The following ANKHD1 variants were observed in gnomAD, a reference collection of about 807,000 sequenced individuals.
ANKHD1 encodes ankyrin repeat and KH domain-containing protein 1.
Under a neutral mutation model 230.5 loss-of-function variants are expected in ANKHD1, and 31 were observed. That is an observed-to-expected ratio of 0.13 (90% CI 0.10 to 0.18). The LOEUF is 0.18. Ranked by LOEUF, ANKHD1 falls within the 10% of genes least tolerant of loss-of-function variation. ANKHD1 has a pLI of 1.00. For synonymous variants in ANKHD1, 1,074 were observed against 1,117.6 expected (o/e 0.96, Z 0.78); for missense variants, 2,256 against 3,071.3 (o/e 0.73, Z 6.27).
intron 29 of ANKHD1, among the ~76,000 whole-genome samples, chr5:140,530,349 C>T (rs1284336721): frequency 6.6e-6 from 1 of 152,068 alleles, no homozygotes; most frequent in Non-Finnish European, 1.5e-5. Context: ...GTAGCTGGGA[C>T]TACAGGCATG....
rs550682546 is a variant in ANKHD1, at chr5:140,494,624, C to G, written c.2246-1896C>G. On this transcript the variant is annotated intron_variant, in intron 14 of 33. Coordinates refer to ENST00000360839, the MANE Select transcript of ANKHD1 (RefSeq NM_017747.3). ...ACACATGTTGCATATGTTTGAGCTA[C>G]CTGCAGTTTTGAGATCTCTATTCTA... is the stretch of plus-strand genomic sequence containing the variant. 3.9e-5 allele frequency among the ~76,000 whole-genome samples: 6 copies of G among 152,180 alleles called. No individual in the cohort carries two copies. In the East Asian group the frequency reaches 9.6e-4, roughly 24 times the overall value.
At chr5:140,403,807 C>T (rs1770191191) in intron 1 of ANKHD1, among the ~76,000 whole-genome samples, 1 of 152,076 alleles carries the variant, frequency 6.6e-6, no homozygotes, top group Admixed American at 6.6e-5. Flanking sequence ...AACCTCTGGT[C>T]TTGGTGTTAA....
chr5:140,427,196 G>T (rs1203197368), intron 1 of ANKHD1, among the ~76,000 whole-genome samples: 2 of 146,988 alleles, frequency 1.4e-5, no homozygotes, highest in East Asian at 4.2e-4. Context: ...GGGCAGAGGG[G>T]CTCCTCACTT....
chr5:140,411,502 T>G (rs1000725067), intron 1 of ANKHD1, among the ~76,000 whole-genome samples: 4 of 151,922 alleles, frequency 2.6e-5, no homozygotes, highest in African/African-American at 9.7e-5. Flanking sequence ...GAAAAGTTTT[T>G]TTTTTTTTTT....
At chr5:140,436,950 G>C (rs1047795856) in intron 2 of ANKHD1, among the ~76,000 whole-genome samples, 3 of 152,128 alleles carry the variant, frequency 2.0e-5, no homozygotes, top group Middle Eastern at 6.8e-3. Flanking sequence ...TTTTTTATAT[G>C]TAATGCATAT....
At chr5:140,531,578 AG>A (rs1753818835) in intron 29 of ANKHD1, among the ~76,000 whole-genome samples, 1 of 151,792 alleles carries the variant, frequency 6.6e-6, no homozygotes, top group Non-Finnish European at 1.5e-5. Context: ...CGAGACTGTC[AG>A]GAAAAAAAAA....
At chr5:140,417,632 G>GA (rs1771503042) in intron 1 of ANKHD1, among the ~76,000 whole-genome samples, 1 of 151,700 alleles carries the variant, frequency 6.6e-6, no homozygotes, top group African/African-American at 2.4e-5. Flanking sequence ...TGTATTTTTT[G>GA]TAGAGATGGG....
At chr5:140,524,480 G>A (rs1753510500) in intron 25 of ANKHD1, among the ~76,000 whole-genome samples, 1 of 152,196 alleles carries the variant, frequency 6.6e-6, no homozygotes, top group Non-Finnish European at 1.5e-5. Context: ...AAGTCACCTT[G>A]TAAAACACTG....
At chr5:140,442,343 T>C (rs1383097313) in intron 5 of ANKHD1, among the ~76,000 whole-genome samples, 2 of 151,872 alleles carry the variant, frequency 1.3e-5, no homozygotes, top group African/African-American at 4.8e-5. Context: ...CAAGCCTGGC[T>C]GAGATATTCT....
intron 30 of ANKHD1, chr5:140,537,162 G>A: frequency 1.5e-6 from 1 of 667,920 alleles, no homozygotes; most frequent in Non-Finnish European, 2.2e-6. Flanking sequence ...ACTTATTATA[G>A]GCAGAAATCG....
At chr5:140,440,022 C>A in intron 3 of ANKHD1, 97 bp from the exon 4 acceptor site, 11 of 1,334,836 alleles carry the variant, frequency 8.2e-6, no homozygotes, top group Non-Finnish European at 1.1e-5. Flanking sequence ...ACTGCATTAA[C>A]ATTTTTCTTT....
At position 140,528,631 on chromosome 5, in the gene ANKHD1, T is replaced by C. The variant is rs1387187862; in HGVS notation, c.5685T>C (p.Pro1895=). 4 of 1,614,072 alleles carry C rather than the reference T, an allele frequency of 2.5e-6. No individual in the cohort carries two copies. Among genetic ancestry groups the C allele is most frequent in the Non-Finnish European group, 8.5e-7 (1 of 1,180,038 alleles). The stretch of plus-strand genomic sequence containing the variant: ...CATGGGGACCATTCCCAGTGAGACC[T>C]GTGAATCCTGGCAACACAAATAGCT... The part of the protein sequence containing the change: ...PNTWGPFPVR[P]VNPGNTNSSP... Residue 1895 remains proline, a synonymous_variant, in exon 29 of 34, where the codon CCT becomes CCC. Coordinates refer to ENST00000360839, the MANE Select transcript of ANKHD1 (RefSeq NM_017747.3).
chr5:140,446,541 A>G (rs1364983845), intron 6 of ANKHD1, among the ~76,000 whole-genome samples: 1 of 152,042 alleles, frequency 6.6e-6, no homozygotes, highest in Non-Finnish European at 1.5e-5. Flanking sequence ...TTGTATTTTT[A>G]GTAGAGATAG....
chr5:140,430,393 A>G (rs1251071826), intron 1 of ANKHD1, among the ~76,000 whole-genome samples: 1 of 152,216 alleles, frequency 6.6e-6, no homozygotes, highest in Non-Finnish European at 1.5e-5. Flanking sequence ...CTGAATAGAG[A>G]TGAGCTATGT....
chr5:140,416,923 T>C (rs949648484), intron 1 of ANKHD1, among the ~76,000 whole-genome samples: 1 of 151,968 alleles, frequency 6.6e-6, no homozygotes, highest in African/African-American at 2.4e-5. Context: ...AATCTATAGA[T>C]TGTTTTGGAT....
Position 140,485,221 on chromosome 5 carries a change from T to C in ANKHD1, c.1971T>C (p.His657=), listed in dbSNP as rs1301021568. The C allele has an allele frequency of 6.2e-7, 1 of 1,613,878 alleles. No individual in the cohort carries two copies. Among genetic ancestry groups the C allele is most frequent in the Non-Finnish European group, 8.5e-7 (1 of 1,179,880 alleles). ...HLAVVELLLA[H]GADPTHRLKD... ...CAGTTGTTGAGCTTCTCTTGGCTCA[T>C]GGGGCTGACCCTACTCATCGACTCA... The change falls in exon 12 of 34, where the codon CAT becomes CAC. Residue 657 remains histidine (H), a synonymous_variant. Transcript: ENST00000360839. This position sits in a 1 kb window ranked among gnomAD's most constrained non-coding sequence, Gnocchi z 4.8.
rs564420074 is a variant in ANKHD1 at position 140,426,361 on chromosome 5, T to C, written c.307-9743T>C. On this transcript the variant is annotated intron_variant, in intron 1 of 33. Coordinates refer to ENST00000360839, the MANE Select transcript of ANKHD1 (RefSeq NM_017747.3). ...CCAGGCTGGTCTTGAACTCCTAACCTCAGGTGATCTGCCTGCCTCAGCCTT... is the reference window on the plus strand; with the variant it reads ...CCAGGCTGGTCTTGAACTCCTAACCCCAGGTGATCTGCCTGCCTCAGCCTT... Among the ~76,000 whole-genome samples, 177 of 152,260 alleles carry C rather than the reference T, an allele frequency of 1.2e-3. 1 individual carries two copies. Among genetic ancestry groups the C allele is most frequent in the African/African-American group, 4.1e-3 (171 of 41,560 alleles).
Position 140,485,908 on chromosome 5 carries a change from G to T in ANKHD1, c.2142+176G>T. ...TTTCTTTAAAGGTACACTGAAATTT[G>T]TTATTGCCTTATTTATTGAGAATAG... On this transcript the variant is annotated intron_variant, in intron 13 of 33. Transcript: ENST00000360839. This position sits in a 1 kb window ranked among gnomAD's most constrained non-coding sequence, Gnocchi z 4.8. 1.1e-6 allele frequency: 1 copy of T among 950,032 alleles called. No homozygotes were observed. The highest frequency in any genetic ancestry group is 2.0e-5 in the South Asian group (1 of 51,186). The allele number at this position is 950,032 out of a possible 1,614,324, so 58.9% of individuals were successfully genotyped here.
chr5:140,406,205 T>C (rs1156398804), intron 1 of ANKHD1, among the ~76,000 whole-genome samples: 1 of 149,516 alleles, frequency 6.7e-6, no homozygotes, highest in African/African-American at 2.5e-5. Flanking sequence ...GCCACTGCCC[T>C]CCAGGCAGGG....
Sources: allele counts gnomAD v4.1 joint callset (sites outside exome capture counted in the v4.1 genomes callset), GRCh38; gene constraint gnomAD v4.1.1; non-coding constraint Gnocchi (gnomAD v3.1); transcripts MANE v1.5; gene names NCBI Gene and HGNC (gene_info 2026-07-23, HGNC 2026-07-21).